The following PIP4K2A variants were observed in gnomAD, a reference collection of about 807,000 sequenced individuals.
The protein encoded by PIP4K2A is phosphatidylinositol 5-phosphate 4-kinase type-2 alpha.
In PIP4K2A, 14 loss-of-function variants were observed where a neutral mutation model predicts 42.9. The observed-to-expected ratio is 0.33, with a 90% CI of 0.22 to 0.51. The LOEUF is 0.51. Ranked by LOEUF, PIP4K2A falls within the 20% of genes least tolerant of loss-of-function variation. The probability of loss-of-function intolerance (pLI) is 0.97; values close to 1 mark genes in which losing one functional copy is unlikely to be tolerated. For missense variants in PIP4K2A, 434 were observed against 519.8 expected (o/e 0.83, Z 1.61); for synonymous variants, 192 against 192.2 (o/e 1.00, Z 0.01).
At chr10:22,689,650 C>T (rs1839823085) in intron 1 of PIP4K2A, among the ~76,000 whole-genome samples, 1 of 152,148 alleles carries the variant, frequency 6.6e-6, no homozygotes, top group Non-Finnish European at 1.5e-5. Flanking sequence ...GTCCTGAAAC[C>T]AATCCCTCAC....
chr10:22,548,713 G>C (rs1333630920), intron 7 of PIP4K2A, among the ~76,000 whole-genome samples: 1 of 152,188 alleles, frequency 6.6e-6, no homozygotes, highest in Non-Finnish European at 1.5e-5. Context: ...AATGTTAGAA[G>C]AGAAAAGCAA....
intron 1 of PIP4K2A, among the ~76,000 whole-genome samples, chr10:22,666,671 G>C (rs1026795944): frequency 6.6e-6 from 1 of 152,124 alleles, no homozygotes; most frequent in African/African-American, 2.4e-5. Flanking sequence ...TTCTTCTTAA[G>C]TTCTCCCTGC....
chr10:22,635,953 G>A (rs1022432010), intron 1 of PIP4K2A, among the ~76,000 whole-genome samples: 2 of 152,188 alleles, frequency 1.3e-5, no homozygotes, highest in Admixed American at 6.5e-5. Context: ...TTATTCATGT[G>A]GAGATGTTTA....
intron 4 of PIP4K2A, among the ~76,000 whole-genome samples, chr10:22,577,030 A>G (rs1467479263): frequency 6.8e-6 from 1 of 146,716 alleles, no homozygotes; most frequent in East Asian, 2.1e-4. Flanking sequence ...GTGAGCCGAG[A>G]TTGCGCCACT....
At chr10:22,640,021 T>A in intron 1 of PIP4K2A, among the ~76,000 whole-genome samples, 1 of 68,082 alleles carries the variant, frequency 1.5e-5, no homozygotes, top group East Asian at 2.1e-4. Context: ...TGTCTTTTTT[T>A]TTTTTTTTTT....
At chr10:22,561,565 GTTTTTTTTTTTTTT>G (rs71394001) in intron 6 of PIP4K2A, among the ~76,000 whole-genome samples, 21 of 113,500 alleles carry the variant, frequency 1.9e-4, no homozygotes, top group African/African-American at 6.7e-4. Flanking sequence ...TCTCTACGCA[GTTTTTTTTTTTTTT>G]TTTTTTTTTT....
At chr10:22,657,559 G>A (rs1186070778) in intron 1 of PIP4K2A, among the ~76,000 whole-genome samples, 2 of 152,206 alleles carry the variant, frequency 1.3e-5, no homozygotes, top group East Asian at 3.8e-4. Flanking sequence ...AGCAAAGACA[G>A]ACGCACTGCT....
chr10:22,664,811 CTGTT>C (rs1248560505), intron 1 of PIP4K2A, among the ~76,000 whole-genome samples: 6 of 152,190 alleles, frequency 3.9e-5, no homozygotes, highest in Middle Eastern at 6.8e-3. Flanking sequence ...AGTGAGAACT[CTGTT>C]TGGGTGAATT....
intron 1 of PIP4K2A, among the ~76,000 whole-genome samples, chr10:22,641,439 T>TTTTTTC (rs1166400605): frequency 1.6e-4 from 25 of 152,146 alleles, no homozygotes; most frequent in African/African-American, 4.6e-4. Context: ...CTGATCATTT[T>TTTTTTC]TTTTTCTTTT....
chr10:22,565,864 T>C (rs1026655715), intron 6 of PIP4K2A, among the ~76,000 whole-genome samples: 3 of 152,074 alleles, frequency 2.0e-5, no homozygotes, highest in South Asian at 2.1e-4. Context: ...CTGTCTCTTA[T>C]GGTCGAAACT....
intron 1 of PIP4K2A, among the ~76,000 whole-genome samples, chr10:22,633,031 C>T (rs1360146744): frequency 6.6e-6 from 1 of 152,182 alleles, no homozygotes; most frequent in African/African-American, 2.4e-5. Context: ...CTGCTAACCA[C>T]CCCAATAGCC....
chr10:22,693,266 C>T (rs45484796), intron 1 of PIP4K2A, among the ~76,000 whole-genome samples: 25,674 of 151,998 alleles, frequency 0.17, 2,375 homozygotes, highest in Middle Eastern at 0.26. Context: ...TTTTTCTCTC[C>T]CCATCTTTAC....
chr10:22,550,943 C>G (rs543105128), intron 6 of PIP4K2A, among the ~76,000 whole-genome samples, 171 bp from the exon 7 acceptor site: 1 of 152,102 alleles, frequency 6.6e-6, no homozygotes, highest in Non-Finnish European at 1.5e-5. Flanking sequence ...TGAATACCAC[C>G]GGGGGGCGCC....
At position 22,561,565 on chromosome 10, in the gene PIP4K2A, G is replaced by GTTTTTTTTTTTT. The variant is rs71394001; in HGVS notation, c.678+6274_678+6285dup. 8.8e-5 allele frequency among the ~76,000 whole-genome samples: 10 copies of GTTTTTTTTTTTT among 113,500 alleles called. 5 individuals are homozygous for GTTTTTTTTTTTT. The highest frequency in any genetic ancestry group is 7.1e-5 in the African/African-American group (2 of 28,314). The allele number at this position is 113,500 out of a possible 152,430, so 74.5% of individuals were successfully genotyped here. A position where few individuals can be genotyped will look rare whatever the true frequency, so the allele number is the denominator to read the frequency against. ...TATGTCACCAGAGATTCTCTACGCA[G>GTTTTTTTTTTTT]TTTTTTTTTTTTTTTTTTTTTTTTT... is the stretch of plus-strand genomic sequence containing the variant. On this transcript the variant is annotated intron_variant, in intron 6 of 9. Transcript: ENST00000376573.
At chr10:22,664,182 CATAT>C (rs1266883536) in intron 1 of PIP4K2A, among the ~76,000 whole-genome samples, 1 of 43,548 alleles carries the variant, frequency 2.3e-5, no homozygotes, top group Non-Finnish European at 3.8e-5. Context: ...TATATATATA[CATAT>C]ATATACATAT....
chr10:22,579,148 TA>T (rs796885026), intron 4 of PIP4K2A, among the ~76,000 whole-genome samples: 23 of 148,580 alleles, frequency 1.5e-4, no homozygotes, highest in African/African-American at 4.7e-4. Flanking sequence ...ATGTTAATCT[TA>T]AAAAAAAAAC....
At chr10:22,603,126 T>C (rs1402236609) in intron 3 of PIP4K2A, among the ~76,000 whole-genome samples, 2 of 152,234 alleles carry the variant, frequency 1.3e-5, no homozygotes, top group Non-Finnish European at 2.9e-5. Context: ...TGTTAGCTCT[T>C]AAAATTAATT....
At chr10:22,590,508 A>T (rs1036938374) in intron 4 of PIP4K2A, among the ~76,000 whole-genome samples, 1 of 152,192 alleles carries the variant, frequency 6.6e-6, no homozygotes, top group African/African-American at 2.4e-5. Context: ...TTTCCTATTT[A>T]ATCTTTAGAA....
intron 1 of PIP4K2A, among the ~76,000 whole-genome samples, chr10:22,628,961 GT>G (rs1349272633): frequency 6.6e-6 from 1 of 152,130 alleles, no homozygotes; most frequent in Admixed American, 6.5e-5. Context: ...GCCTGAACAC[GT>G]TTTTCAGGTT....
Sources: gnomAD v4.1 joint callset for allele counts (sites outside exome capture counted in the v4.1 genomes callset) on GRCh38, gnomAD v4.1.1 for gene constraint, MANE v1.5 for transcripts, NCBI Gene and HGNC (gene_info 2026-07-23, HGNC 2026-07-21) for gene names.